The following GAREM1 variants were observed in gnomAD, a reference collection of about 807,000 sequenced individuals.
GAREM1 encodes the protein GRB2 associated regulator of MAPK1 subtype 1.
In GAREM1, 26 loss-of-function variants were observed where a neutral mutation model predicts 71.3. The observed-to-expected ratio is 0.36, with a 90% confidence interval of 0.27 to 0.51. The LOEUF (loss-of-function observed/expected upper bound fraction) is 0.51. Ranked by LOEUF, GAREM1 falls within the 20% of genes least tolerant of loss-of-function variation. The pLI, the probability that GAREM1 is intolerant of heterozygous loss-of-function variation, is 0.95. For missense variants in GAREM1, 1,026 were observed against 1,103.1 expected (o/e 0.93, Z 0.99); for synonymous variants, 440 against 433.2 (o/e 1.02, Z -0.20).
At chr18:32,463,210 T>C (rs1386854392) in intron 1 of GAREM1, among the ~76,000 whole-genome samples, 1 of 152,202 alleles carries the variant, frequency 6.6e-6, no homozygotes, top group Non-Finnish European at 1.5e-5. Flanking sequence ...AATATAATGA[T>C]TGTGTCAATT....
chr18:32,443,344 G>A (rs894528075), intron 1 of GAREM1, among the ~76,000 whole-genome samples: 1 of 152,096 alleles, frequency 6.6e-6, no homozygotes, highest in African/African-American at 2.4e-5. Context: ...TCAAGAAAGT[G>A]AAAAGATAAC....
intron 2 of GAREM1, among the ~76,000 whole-genome samples, chr18:32,381,920 T>A (rs2048101643): frequency 6.6e-6 from 1 of 152,152 alleles, no homozygotes; most frequent in Non-Finnish European, 1.5e-5. Context: ...GGCCTCCCAC[T>A]CCTAGACAGC....
chr18:32,333,035 A>T (rs557184037), intron 2 of GAREM1, among the ~76,000 whole-genome samples: 1 of 152,198 alleles, frequency 6.6e-6, no homozygotes, highest in African/African-American at 2.4e-5. Flanking sequence ...ATGATAAAAT[A>T]AAAAAGTAGA....
chr18:32,438,725 CT>C (rs2048706112), intron 1 of GAREM1, among the ~76,000 whole-genome samples: 1 of 152,174 alleles, frequency 6.6e-6, no homozygotes, highest in African/African-American at 2.4e-5. Flanking sequence ...GTTTTCTTAT[CT>C]ATAAAATGAA....
intron 4 of GAREM1, among the ~76,000 whole-genome samples, chr18:32,279,115 A>G (rs2041580161): frequency 6.6e-6 from 1 of 152,196 alleles, no homozygotes; most frequent in Non-Finnish European, 1.5e-5. Context: ...CTGAGCAAGG[A>G]GTGTACGTGA....
intron 2 of GAREM1, among the ~76,000 whole-genome samples, chr18:32,382,935 T>C (rs749109276): frequency 1.1e-4 from 16 of 152,180 alleles, no homozygotes; most frequent in Non-Finnish European, 2.1e-4. Flanking sequence ...TGAAGGTCTA[T>C]AAGAAAAAAT....
chr18:32,432,730 A>G (rs1003883864), intron 1 of GAREM1, among the ~76,000 whole-genome samples: 3 of 152,158 alleles, frequency 2.0e-5, no homozygotes, highest in Admixed American at 6.5e-5. Context: ...ACAAACTGCC[A>G]AACTCCCTGA....
chr18:32,446,223 A>AGTGT (rs10587223), intron 1 of GAREM1, among the ~76,000 whole-genome samples: 3,215 of 143,404 alleles, frequency 0.022, 56 homozygotes, highest in African/African-American at 0.055. Flanking sequence ...AGTTCCCCAT[A>AGTGT]GTGTGTGTGT....
chr18:32,374,149 A>T (rs934713951), intron 2 of GAREM1, among the ~76,000 whole-genome samples: 1 of 152,214 alleles, frequency 6.6e-6, no homozygotes, highest in Non-Finnish European at 1.5e-5. Context: ...CATGGTCTTC[A>T]AAGGCATGAG....
At position 32,431,266 on chromosome 18, in the gene GAREM1, A is replaced by T. The variant is rs138570664; in HGVS notation, c.122-38231T>A. ...GAACAGATCCTCAGGATACTATCGA[A>T]TAATACCAAATGGTCTAATATTCAT... On this transcript the variant is annotated intron_variant, in intron 1 of 5. Coordinates refer to ENST00000269209, the MANE Select transcript of GAREM1 (RefSeq NM_001242409.2). Among the ~76,000 whole-genome samples, 34 of 152,346 alleles carry T rather than the reference A, an allele frequency of 2.2e-4. 1 individual carries two copies. Among genetic ancestry groups the T allele is most frequent in the African/African-American group, 7.7e-4 (32 of 41,580 alleles).
intron 2 of GAREM1, among the ~76,000 whole-genome samples, chr18:32,344,032 G>A (rs1028152532): frequency 1.3e-5 from 2 of 152,108 alleles, no homozygotes; most frequent in Admixed American, 1.3e-4. Flanking sequence ...AGATCTCCAG[G>A]GGCTTGTGTG....
chr18:32,412,089 A>T (rs571366031), intron 1 of GAREM1: 2 of 725,518 alleles, frequency 2.8e-6, no homozygotes, highest in East Asian at 5.3e-5. Context: ...TGTCTAAAAC[A>T]TGTCTTCTTT....
At chr18:32,391,050 T>C (rs2048191399) in intron 2 of GAREM1, among the ~76,000 whole-genome samples, 2 of 152,156 alleles carry the variant, frequency 1.3e-5, no homozygotes, top group South Asian at 4.1e-4. Context: ...ACAGTCCAAC[T>C]GGTGAGTGTG....
intron 4 of GAREM1, among the ~76,000 whole-genome samples, chr18:32,276,507 C>T (rs1489138648): frequency 6.6e-6 from 1 of 152,094 alleles, no homozygotes. Flanking sequence ...TGTGATAAGA[C>T]AAGTATGTGC....
chr18:32,374,233 T>C (rs2048012489), intron 2 of GAREM1, among the ~76,000 whole-genome samples: 1 of 152,234 alleles, frequency 6.6e-6, no homozygotes, highest in Admixed American at 6.5e-5. Flanking sequence ...ATAAATTCCT[T>C]TTCTGGGCAG....
intron 1 of GAREM1, among the ~76,000 whole-genome samples, chr18:32,444,967 T>TAGCG (rs1416762743): frequency 6.6e-6 from 1 of 152,304 alleles, no homozygotes; most frequent in Non-Finnish European, 1.5e-5. Context: ...TTCCTTCTTG[T>TAGCG]AGCGTATCCT....
intron 1 of GAREM1, among the ~76,000 whole-genome samples, chr18:32,400,827 T>C (rs1338270981): frequency 1.3e-5 from 2 of 152,210 alleles, no homozygotes; most frequent in Non-Finnish European, 2.9e-5. Context: ...TTACTGGGTA[T>C]ATACCCAAAG....
intron 2 of GAREM1, among the ~76,000 whole-genome samples, chr18:32,316,776 T>G (rs1207850907): frequency 6.6e-6 from 1 of 152,136 alleles, no homozygotes; most frequent in Non-Finnish European, 1.5e-5. Context: ...GCCCCACAAA[T>G]GTCTTTAAAA....
intron 2 of GAREM1, among the ~76,000 whole-genome samples, chr18:32,315,573 A>G (rs1015119395): frequency 6.6e-6 from 1 of 150,780 alleles, no homozygotes; most frequent in Admixed American, 6.6e-5. Context: ...AGTCTTTCAA[A>G]TCTGGTGTAT....
Sources: gnomAD v4.1 joint callset for allele counts (sites outside exome capture counted in the v4.1 genomes callset) on GRCh38, gnomAD v4.1.1 for gene constraint, MANE v1.5 for transcripts, NCBI Gene and HGNC (gene_info 2026-07-23, HGNC 2026-07-21) for gene names.